The following USH2A variants were observed in gnomAD, a reference collection of about 807,000 sequenced individuals.
The protein encoded by USH2A is usherin, also known as Usher syndrome 2A (autosomal recessive, mild).
A neutral mutation model predicts 538.9 loss-of-function variants in USH2A; 443 were observed. The ratio of observed to expected loss-of-function variants is 0.82; its 90% CI spans 0.76 to 0.89. USH2A has a LOEUF of 0.89. Ranked by LOEUF, USH2A falls within the 40% of genes least tolerant of loss-of-function variation. The pLI, the probability that USH2A is intolerant of heterozygous loss-of-function variation, is 0.00. For synonymous variants in USH2A, 2,413 were observed against 2,273.5 expected (o/e 1.06, Z -1.75); for missense variants, 6,633 against 6,324.8 (o/e 1.05, Z -1.65).
intron 36 of USH2A, among the ~76,000 whole-genome samples, chr1:215,969,817 C>G (rs1667448156): frequency 6.6e-6 from 1 of 152,130 alleles, no homozygotes; most frequent in Admixed American, 6.6e-5. Flanking sequence ...TCAGTGAAGA[C>G]AGCATGCACT....
chr1:215,652,837 G>C (rs1350226501), intron 64 of USH2A, among the ~76,000 whole-genome samples: 2 of 152,170 alleles, frequency 1.3e-5, no homozygotes, highest in African/African-American at 4.8e-5. Flanking sequence ...GCCAAGAGCA[G>C]AACTTTGGTT....
chr1:216,043,295 C>A (rs979532925), intron 32 of USH2A, among the ~76,000 whole-genome samples: 2 of 151,948 alleles, frequency 1.3e-5, no homozygotes, highest in Non-Finnish European at 2.9e-5. Flanking sequence ...CTTTGAACCC[C>A]ATATTAACTT....
intron 37 of USH2A, among the ~76,000 whole-genome samples, chr1:215,940,961 T>C (rs545341497): frequency 7.0e-4 from 104 of 148,156 alleles, no homozygotes; most frequent in Admixed American, 1.3e-3. Context: ...AGAATCTTTA[T>C]GTTTTGTTCT....
intron 45 of USH2A, among the ~76,000 whole-genome samples, chr1:215,844,896 A>G (rs1416643710): frequency 6.6e-6 from 1 of 152,170 alleles, no homozygotes. Flanking sequence ...ATAAAACTCA[A>G]ATACAATGAG....
At chr1:216,271,163 T>C (rs763557663) in intron 11 of USH2A, among the ~76,000 whole-genome samples, 3 of 152,084 alleles carry the variant, frequency 2.0e-5, no homozygotes, top group Non-Finnish European at 4.4e-5. Context: ...ATTGCCTAAC[T>C]AGTGAAGACC....
chr1:216,317,710 G>A (rs372207370), intron 9 of USH2A, among the ~76,000 whole-genome samples: 32 of 151,832 alleles, frequency 2.1e-4, no homozygotes, highest in Middle Eastern at 3.4e-3. Context: ...AAAGTTAGCC[G>A]CGTGTGGTGG....
chr1:216,360,069 A>G (rs2038462559), intron 4 of USH2A, among the ~76,000 whole-genome samples: 1 of 152,168 alleles, frequency 6.6e-6, no homozygotes, highest in South Asian at 2.1e-4. Flanking sequence ...TTTGGTATTT[A>G]TAAGTTGAAA....
intron 32 of USH2A, among the ~76,000 whole-genome samples, chr1:216,037,589 T>C (rs1279892569): frequency 6.6e-6 from 1 of 152,114 alleles, no homozygotes; most frequent in Non-Finnish European, 1.5e-5. Context: ...TGATTCCACC[T>C]GTTTAAAATT....
intron 49 of USH2A, among the ~76,000 whole-genome samples, chr1:215,800,911 A>G (rs924330491): frequency 1.3e-5 from 2 of 152,296 alleles, no homozygotes; most frequent in African/African-American, 4.8e-5. Flanking sequence ...ATTCAAAAGC[A>G]CATCAAAATG....
Position 216,247,033 on chromosome 1 carries a change from T to G in USH2A, c.2361A>C (p.Leu787Phe). The change falls in exon 13 of 72, where the codon TTA becomes TTC. Residue 787 changes from leucine (L) to phenylalanine (F), a missense_variant. Transcript: ENST00000307340. ...CDTCRENFYG[L>F]DVTNCKACDC... ...CACAGGCCTTACAATTGGTGACATC[T>G]AACCCATAAAAGTTTTCTCTGCAGG... The G allele has an allele frequency of 6.2e-7, 1 of 1,614,098 alleles. No homozygotes were observed. Among genetic ancestry groups the G allele is most frequent in the Non-Finnish European group, 8.5e-7 (1 of 1,179,982 alleles).
At chr1:215,627,418 TTCCTTCCTTCCTTCCTTCC>T (rs1656075905) in intron 71 of USH2A, among the ~76,000 whole-genome samples, 18 of 118,242 alleles carry the variant, frequency 1.5e-4, no homozygotes, top group Middle Eastern at 4.0e-3. Context: ...CCTTCCTTCC[TTCCTTCCTTCCTTCCTTCC>T]TTCCTTCCTT....
intron 21 of USH2A, among the ~76,000 whole-genome samples, chr1:216,157,833 C>G (rs537290931): frequency 6.6e-6 from 1 of 152,254 alleles, no homozygotes; most frequent in African/African-American, 2.4e-5. Flanking sequence ...ATTGGAAAAA[C>G]TACCTATTGG....
Position 215,766,667 on chromosome 1 carries a change from T to C in USH2A, c.11047+14A>G. The stretch of plus-strand genomic sequence containing the variant: ...AAAATTTCTTCCCTCAAACCATGGA[T>C]ATTGTTTCATTACCTTCAGGAGCTG... On this transcript the variant is annotated intron_variant, in intron 56 of 71. Transcript: ENST00000307340. 1 of 1,608,628 alleles carries C rather than the reference T, an allele frequency of 6.2e-7. No homozygotes were observed. Among genetic ancestry groups the C allele is most frequent in the Non-Finnish European group, 8.5e-7 (1 of 1,175,140 alleles).
At chr1:216,414,856 T>C (rs928501544) in intron 3 of USH2A, among the ~76,000 whole-genome samples, 1 of 152,096 alleles carries the variant, frequency 6.6e-6, no homozygotes, top group South Asian at 2.1e-4. Flanking sequence ...TATTAATCAT[T>C]TGTTCTGTCC....
intron 31 of USH2A, among the ~76,000 whole-genome samples, chr1:216,048,253 C>T (rs1187174003): frequency 6.6e-6 from 1 of 152,116 alleles, no homozygotes; most frequent in Non-Finnish European, 1.5e-5. Context: ...CTTTCAGATG[C>T]TTCATATTAA....
chr1:216,301,718 C>T (rs990338302), intron 9 of USH2A, among the ~76,000 whole-genome samples: 4 of 152,156 alleles, frequency 2.6e-5, no homozygotes, highest in African/African-American at 4.8e-5. Context: ...ATAAAATGAT[C>T]ACTTTTTAGT....
At chr1:216,176,440 T>C (rs892214263) in intron 20 of USH2A, among the ~76,000 whole-genome samples, 1 of 141,896 alleles carries the variant, frequency 7.0e-6, no homozygotes, top group African/African-American at 2.5e-5. Context: ...CATAGAAAAA[T>C]TGAGAAGAAG....
intron 21 of USH2A, among the ~76,000 whole-genome samples, chr1:216,134,290 C>T (rs2033436485): frequency 6.6e-6 from 1 of 151,968 alleles, no homozygotes; most frequent in Admixed American, 6.6e-5. Flanking sequence ...TACAATTTGA[C>T]TCAAGAGGGA....
intron 38 of USH2A, among the ~76,000 whole-genome samples, chr1:215,910,961 G>A (rs188727741): frequency 3.3e-5 from 5 of 151,830 alleles, no homozygotes; most frequent in Admixed American, 2.6e-4. Context: ...AAATTCACAA[G>A]GTTTAGAAAA....
Sources: allele counts gnomAD v4.1 joint callset (sites outside exome capture counted in the v4.1 genomes callset), GRCh38; gene constraint gnomAD v4.1.1; transcripts MANE v1.5; gene names NCBI Gene and HGNC (gene_info 2026-07-23, HGNC 2026-07-21).